The following CDKAL1 variants were observed in gnomAD, a reference collection of about 807,000 sequenced individuals.
The protein encoded by CDKAL1 is CDKAL1 threonylcarbamoyladenosine tRNA methylthiotransferase, also known as threonylcarbamoyladenosine tRNA methylthiotransferase.
A neutral mutation model predicts 68.2 loss-of-function variants in CDKAL1; 32 were observed. The observed-to-expected ratio is 0.47, with a 90% CI of 0.35 to 0.63. The LOEUF is 0.63. Ranked by LOEUF, CDKAL1 falls within the 30% of genes least tolerant of loss-of-function variation. CDKAL1 has a pLI of 0.00. For synonymous variants in CDKAL1, 234 were observed against 244.3 expected (o/e 0.96, Z 0.39); for missense variants, 606 against 696.7 (o/e 0.87, Z 1.47).
intron 9 of CDKAL1, among the ~76,000 whole-genome samples, chr6:20,880,686 G>A (rs1363308802): frequency 2.0e-5 from 3 of 151,832 alleles, no homozygotes; most frequent in Non-Finnish European, 4.4e-5. Context: ...TATACATAAA[G>A]CCTCCTGAAT....
intron 9 of CDKAL1, among the ~76,000 whole-genome samples, chr6:20,946,539 ATTTTCAAC>A (rs1299187175): frequency 6.7e-6 from 1 of 149,940 alleles, no homozygotes; most frequent in Non-Finnish European, 1.5e-5. Context: ...CTTTAAATGC[ATTTTCAAC>A]TTACAATGGA....
At chr6:20,604,784 T>C (rs1231612205) in intron 4 of CDKAL1, among the ~76,000 whole-genome samples, 1 of 152,226 alleles carries the variant, frequency 6.6e-6, no homozygotes, top group Non-Finnish European at 1.5e-5. Flanking sequence ...ACAATTTGAA[T>C]CTGTGACCAA....
chr6:21,030,975 C>T (rs538605687), intron 11 of CDKAL1, among the ~76,000 whole-genome samples: 1 of 152,118 alleles, frequency 6.6e-6, no homozygotes, highest in East Asian at 1.9e-4. Context: ...ACAAAAGTGC[C>T]ACCAATGTAG....
At chr6:20,942,533 A>C (rs1485975361) in intron 9 of CDKAL1, among the ~76,000 whole-genome samples, 1 of 150,592 alleles carries the variant, frequency 6.6e-6, no homozygotes, top group African/African-American at 2.4e-5. Flanking sequence ...ATGCCCAGCT[A>C]ATTTTGTATT....
intron 11 of CDKAL1, among the ~76,000 whole-genome samples, chr6:21,063,377 TG>T (rs1458529342): frequency 6.6e-6 from 1 of 152,236 alleles, no homozygotes; most frequent in Non-Finnish European, 1.5e-5. Context: ...GCCATATTTA[TG>T]GAGGCACTAA....
In CDKAL1 at chr6:20,687,853, T is replaced by G. The variant is rs113613794; in HGVS notation, c.371+38476T>G. Among the ~76,000 whole-genome samples, 414 of 152,030 alleles carry G rather than the reference T, an allele frequency of 2.7e-3. 2 individuals are homozygous for G. Among genetic ancestry groups the G allele is most frequent in the African/African-American group, 9.4e-3 (388 of 41,340 alleles). ...TTTCTCTAGATCCAAATTTCTGACC[T>G]ACATCATTTTTATCCTATGTAAAGG... On this transcript the variant is annotated intron_variant, in intron 5 of 15. Transcript: ENST00000274695.
rs1480250212 is a variant in CDKAL1 at position 20,865,048 on chromosome 6, C to T, written c.742+18870C>T. Among the ~76,000 whole-genome samples, 3 of 152,096 alleles carry T rather than the reference C, an allele frequency of 2.0e-5. No homozygotes were observed. The East Asian group carries it at 5.8e-4, about 29-fold the overall frequency. ...AGTGTGTATCAAATAATTTTCCTTG[C>T]ACTTTTACATCTAGCTTTTCATTTC... is the stretch of plus-strand genomic sequence containing the variant. On this transcript the variant is annotated intron_variant, in intron 9 of 15. Transcript: ENST00000274695.
At chr6:20,818,249 A>G (rs903254855) in intron 8 of CDKAL1, among the ~76,000 whole-genome samples, 6 of 152,252 alleles carry the variant, frequency 3.9e-5, no homozygotes, top group African/African-American at 1.2e-4. Context: ...CACTTGAGGT[A>G]TATTTCTGGA....
intron 11 of CDKAL1, among the ~76,000 whole-genome samples, chr6:21,056,998 C>T (rs1457236671): frequency 1.3e-5 from 2 of 152,040 alleles, no homozygotes; most frequent in Non-Finnish European, 1.5e-5. Context: ...TTTATTGCAT[C>T]GTTGCCAGAT....
At chr6:21,140,664 A>G (rs909819628) in intron 13 of CDKAL1, among the ~76,000 whole-genome samples, 12 of 152,182 alleles carry the variant, frequency 7.9e-5, no homozygotes, top group Non-Finnish European at 1.8e-4. Flanking sequence ...TAAACATGCT[A>G]AATGTTGCAC....
chr6:20,611,311 C>G (rs1299736594), intron 4 of CDKAL1, among the ~76,000 whole-genome samples: 1 of 152,102 alleles, frequency 6.6e-6, no homozygotes, highest in East Asian at 1.9e-4. Flanking sequence ...TTTATGTTCT[C>G]CATTTCTGGC....
At chr6:20,780,783 C>T (rs555365068) in intron 7 of CDKAL1, among the ~76,000 whole-genome samples, 7 of 151,022 alleles carry the variant, frequency 4.6e-5, no homozygotes, top group Non-Finnish European at 7.4e-5. Context: ...GAGCTATTCT[C>T]CTGCCTCAGC....
chr6:20,784,313 A>G (rs1240258079), intron 8 of CDKAL1, among the ~76,000 whole-genome samples: 1 of 151,060 alleles, frequency 6.6e-6, no homozygotes, highest in Non-Finnish European at 1.5e-5. Context: ...TACAATAGAA[A>G]TGCTGCCTAA....
intron 15 of CDKAL1, among the ~76,000 whole-genome samples, chr6:21,220,439 T>C (rs192404287): frequency 2.8e-4 from 43 of 152,320 alleles, no homozygotes; most frequent in African/African-American, 9.6e-4. Context: ...TAAAGATAAA[T>C]GTATCTCCAG....
At chr6:20,903,674 C>T (rs538577527) in intron 9 of CDKAL1, among the ~76,000 whole-genome samples, 2 of 152,316 alleles carry the variant, frequency 1.3e-5, no homozygotes, top group Admixed American at 6.5e-5. Context: ...TTATAACCCT[C>T]CCTCTGGAAC....
rs139866736 is a variant in CDKAL1 at position 21,152,400 on chromosome 6, C to T, written c.1299+43937C>T. 2.0e-3 allele frequency among the ~76,000 whole-genome samples: 299 copies of T among 152,328 alleles called. 2 individuals carry two copies. The highest frequency in any genetic ancestry group is 6.9e-3 in the African/African-American group (285 of 41,572). On this transcript the variant is annotated intron_variant, in intron 13 of 15. Coordinates refer to ENST00000274695, the MANE Select transcript of CDKAL1 (RefSeq NM_017774.3). Reference sequence around the variant, plus strand: ...GAATTGAGCACTCAATAGGTACAGGCATTCAGCCAAGTAATAAGGGTATAC... The same window carrying T: ...GAATTGAGCACTCAATAGGTACAGGTATTCAGCCAAGTAATAAGGGTATAC...
chr6:20,721,529 G>A (rs1200418337), intron 5 of CDKAL1, among the ~76,000 whole-genome samples: 1 of 152,050 alleles, frequency 6.6e-6, no homozygotes, highest in Admixed American at 6.5e-5. Flanking sequence ...AAATATGTAA[G>A]TGCAGGTAGC....
chr6:21,166,269 G>A (rs932266111), intron 13 of CDKAL1, among the ~76,000 whole-genome samples: 2 of 152,142 alleles, frequency 1.3e-5, no homozygotes, highest in Non-Finnish European at 2.9e-5. Context: ...GAGGTATGAC[G>A]TGAAAGAGTG....
intron 4 of CDKAL1, among the ~76,000 whole-genome samples, chr6:20,583,959 A>G (rs1029495924): frequency 2.6e-5 from 4 of 152,150 alleles, no homozygotes; most frequent in Non-Finnish European, 5.9e-5. Flanking sequence ...TAAGTATAGG[A>G]AACAGACCAG....
Sources: allele counts gnomAD v4.1 joint callset (sites outside exome capture counted in the v4.1 genomes callset), GRCh38; gene constraint gnomAD v4.1.1; transcripts MANE v1.5; gene names NCBI Gene and HGNC (gene_info 2026-07-23, HGNC 2026-07-21).